Variants in SLC35F4 observed in about 807,000 individuals in gnomAD.
SLC35F4 encodes chromosome 14 open reading frame 36.
A neutral mutation model predicts 44.2 loss-of-function variants in SLC35F4; 24 were observed. The observed-to-expected ratio is 0.54, with a 90% CI of 0.39 to 0.76. The LOEUF (loss-of-function observed/expected upper bound fraction) is 0.76, where lower values mean the gene tolerates loss of function less well. Among genes scored for constraint, SLC35F4 ranks in the 30% least tolerant of loss-of-function variants. The pLI is 0.00. For synonymous variants in SLC35F4, 238 were observed against 223.6 expected, an observed-to-expected ratio of 1.06 and a Z score of -0.57; for missense variants, 562 against 586.1, an observed-to-expected ratio of 0.96 and a Z score of 0.42.
chr14:57,650,988 A>G (rs1020648396), intron 1 of SLC35F4, among the ~76,000 whole-genome samples: 1 of 152,214 alleles, frequency 6.6e-6, no homozygotes, highest in African/African-American at 2.4e-5. Flanking sequence ...CACCCTATCT[A>G]AAGTAGCTAA....
At chr14:57,776,599 G>A (rs1280921077) in intron 1 of SLC35F4, among the ~76,000 whole-genome samples, 1 of 147,844 alleles carries the variant, frequency 6.8e-6, no homozygotes, top group East Asian at 2.3e-4. Context: ...CCAGGAGGCA[G>A]AGGTTGCAGT....
chr14:57,594,045 C>T lies in SLC35F4; in HGVS notation c.183G>A (p.Leu61=), dbSNP rs1566659618. 1 of 1,613,868 alleles carries T rather than the reference C, an allele frequency of 6.2e-7. No individual in the cohort carries two copies. Among genetic ancestry groups the T allele is most frequent in the Non-Finnish European group, 8.5e-7 (1 of 1,179,864 alleles). Residue 61 remains leucine (L), a synonymous_variant, in exon 2 of 8, where the codon CTG becomes CTA. Transcript: ENST00000556826. ...AATCTTCGGTGACAGACAGTGGGGACAGTTGTCTACTGATGCCACTGTGTG... is the reference window on the plus strand; with the variant it reads ...AATCTTCGGTGACAGACAGTGGGGATAGTTGTCTACTGATGCCACTGTGTG... ...PSSHSGISRQ[L]SPLSVTEDSS...
chr14:57,629,669 T>C (rs764949703), intron 1 of SLC35F4, among the ~76,000 whole-genome samples: 3 of 152,136 alleles, frequency 2.0e-5, no homozygotes, highest in Non-Finnish European at 4.4e-5. Flanking sequence ...ACAGAAATTA[T>C]CACTATATAT....
chr14:57,856,582 AC>A (rs759096705), intron 1 of SLC35F4, among the ~76,000 whole-genome samples: 16 of 152,066 alleles, frequency 1.1e-4, no homozygotes, highest in Non-Finnish European at 2.2e-4. Flanking sequence ...AAAAACTACC[AC>A]ACTATCTACC....
chr14:57,578,325 G>GTTTGTTTTTTTTTTTT (rs2068957220), intron 4 of SLC35F4, among the ~76,000 whole-genome samples: 1 of 43,116 alleles, frequency 2.3e-5, no homozygotes, highest in African/African-American at 8.0e-5. Flanking sequence ...CCCTTTAACT[G>GTTTGTTTTTTTTTTTT]TTTTTTTTTT....
intron 1 of SLC35F4, among the ~76,000 whole-genome samples, chr14:57,683,459 T>TCCC (rs5808934): frequency 0.15 from 22,205 of 152,072 alleles, 1,821 homozygotes; most frequent in East Asian, 0.28. Context: ...GATCGCCTTT[T>TCCC]CCCCTTCAAT....
At chr14:57,767,113 A>C (rs919301979) in intron 1 of SLC35F4, among the ~76,000 whole-genome samples, 1 of 152,252 alleles carries the variant, frequency 6.6e-6, no homozygotes, top group African/African-American at 2.4e-5. Context: ...CTGAAAGAAG[A>C]AACTGAAAAA....
At position 57,717,635 on chromosome 14, in the gene SLC35F4, C is replaced by CA. The variant is rs1272759893; in HGVS notation, c.104-123512dup. Among the ~76,000 whole-genome samples the CA allele has an allele frequency of 3.3e-5, 5 of 151,994 alleles. No homozygotes were observed. In the East Asian group the frequency reaches 5.8e-4, roughly 18 times the overall value. On this transcript the variant is annotated intron_variant, in intron 1 of 7. Coordinates refer to ENST00000556826, the MANE Select transcript of SLC35F4 (RefSeq NM_001306087.2). ...TGGGCGACAGAGCGAGACTCCGTCT[C>CA]AAAAAAAGAGTTTTTCCTTCACATC...
intron 1 of SLC35F4, among the ~76,000 whole-genome samples, chr14:57,940,746 C>G (rs1889902071): frequency 6.6e-6 from 1 of 152,212 alleles, no homozygotes; most frequent in South Asian, 2.1e-4. Context: ...GCTCCCAGAA[C>G]TGCCCTTGCA....
At chr14:57,734,297 T>C (rs1438972959) in intron 1 of SLC35F4, among the ~76,000 whole-genome samples, 1 of 152,204 alleles carries the variant, frequency 6.6e-6, no homozygotes, top group African/African-American at 2.4e-5. Flanking sequence ...GGGTTACTAT[T>C]AGGATCCAAT....
At chr14:57,656,868 T>C (rs1012993517) in intron 1 of SLC35F4, among the ~76,000 whole-genome samples, 1 of 152,222 alleles carries the variant, frequency 6.6e-6, no homozygotes, top group African/African-American at 2.4e-5. Context: ...TCTGTGCTTC[T>C]GTGATATTCT....
intron 1 of SLC35F4, among the ~76,000 whole-genome samples, chr14:57,635,066 A>G (rs1253930209): frequency 6.6e-6 from 1 of 152,040 alleles, no homozygotes; most frequent in Non-Finnish European, 1.5e-5. Flanking sequence ...CCTGGGCATC[A>G]TAGTGAAACT....
intron 1 of SLC35F4, among the ~76,000 whole-genome samples, chr14:57,916,722 C>T (rs1266099922): frequency 1.3e-5 from 2 of 152,126 alleles, no homozygotes; most frequent in Non-Finnish European, 2.9e-5. Flanking sequence ...GTACTAGGCT[C>T]ACTACCTGGG....
chr14:57,886,639 C>T (rs1888652829), intron 1 of SLC35F4, among the ~76,000 whole-genome samples: 2 of 152,106 alleles, frequency 1.3e-5, no homozygotes, highest in Admixed American at 1.3e-4. Flanking sequence ...TTGACTCTTA[C>T]CATCTTGAGG....
At chr14:57,917,094 C>T (rs1476697239) in intron 1 of SLC35F4, among the ~76,000 whole-genome samples, 1 of 151,902 alleles carries the variant, frequency 6.6e-6, no homozygotes, top group Non-Finnish European at 1.5e-5. Flanking sequence ...GCCCAGGCTC[C>T]CAGGCTCCCA....
intron 1 of SLC35F4, among the ~76,000 whole-genome samples, chr14:57,857,181 A>T (rs977428626): frequency 6.6e-6 from 1 of 151,764 alleles, no homozygotes; most frequent in African/African-American, 2.4e-5. Context: ...GGAGGTGGAG[A>T]CAGGAGAATC....
chr14:57,644,097 T>C (rs1292478916), intron 1 of SLC35F4, among the ~76,000 whole-genome samples: 1 of 152,224 alleles, frequency 6.6e-6, no homozygotes, highest in Non-Finnish European at 1.5e-5. Context: ...TGTGTCTTTA[T>C]AGCAGCACGA....
chr14:57,706,375 G>T (rs2075676751), intron 1 of SLC35F4, among the ~76,000 whole-genome samples: 1 of 152,132 alleles, frequency 6.6e-6, no homozygotes, highest in African/African-American at 2.4e-5. Flanking sequence ...TCAAAAATTG[G>T]ACATGTTTCT....
intron 1 of SLC35F4, among the ~76,000 whole-genome samples, chr14:57,832,607 C>T (rs1312364768): frequency 6.6e-6 from 1 of 152,022 alleles, no homozygotes; most frequent in Admixed American, 6.6e-5. Context: ...GTGTTGTAAA[C>T]CTCAAATATA....
Sources: gnomAD v4.1 joint callset for allele counts (sites outside exome capture counted in the v4.1 genomes callset) on GRCh38, gnomAD v4.1.1 for gene constraint, MANE v1.5 for transcripts, NCBI Gene and HGNC (gene_info 2026-07-23, HGNC 2026-07-21) for gene names.